PTPRM: variants seen among roughly 807,000 people sequenced by gnomAD.
The protein encoded by PTPRM is receptor-type tyrosine-protein phosphatase mu.
A neutral mutation model predicts 186.7 loss-of-function variants in PTPRM; 47 were observed. The ratio of observed to expected loss-of-function variants is 0.25; its 90% CI spans 0.20 to 0.32. The LOEUF (loss-of-function observed/expected upper bound fraction) is 0.32, where lower values mean the gene tolerates loss of function less well. PTPRM is among the 10% of genes least tolerant of loss of function. The probability of loss-of-function intolerance (pLI) is 1.00; values close to 1 mark genes in which losing one functional copy is unlikely to be tolerated. For missense variants in PTPRM, 1,494 were observed against 1,865.0 expected (o/e 0.80, Z 3.66); for synonymous variants, 668 against 674.9 (o/e 0.99, Z 0.16).
chr18:8,275,463 C>A (rs1171580027), intron 19 of PTPRM, among the ~76,000 whole-genome samples: 2 of 152,004 alleles, frequency 1.3e-5, no homozygotes, highest in Non-Finnish European at 2.9e-5. Context: ...GAAAAGACTT[C>A]AATGGTTCCA....
chr18:8,241,983 T>C (rs995654806), intron 14 of PTPRM, among the ~76,000 whole-genome samples: 3 of 152,128 alleles, frequency 2.0e-5, no homozygotes, highest in Admixed American at 6.5e-5. Context: ...AATTAGTTTA[T>C]GCACGTGGAG....
intron 19 of PTPRM, among the ~76,000 whole-genome samples, chr18:8,294,807 T>C (rs2095078517): frequency 6.6e-6 from 1 of 152,184 alleles, no homozygotes; most frequent in Non-Finnish European, 1.5e-5. Flanking sequence ...TGTAGTGTTA[T>C]TTTTTTCAGT....
intron 3 of PTPRM, among the ~76,000 whole-genome samples, chr18:7,888,705 T>C (rs908931958): frequency 1.2e-4 from 18 of 152,032 alleles, no homozygotes; most frequent in African/African-American, 7.2e-5. Context: ...CAATTCATAA[T>C]AGCAAAGACA....
intron 7 of PTPRM, among the ~76,000 whole-genome samples, chr18:8,007,289 T>C (rs1276729828): frequency 2.0e-5 from 3 of 152,208 alleles, no homozygotes. Flanking sequence ...GTTCTATCTC[T>C]AATATTGGAA....
chr18:8,350,309 A>G (rs1251269668), intron 23 of PTPRM, among the ~76,000 whole-genome samples: 1 of 152,196 alleles, frequency 6.6e-6, no homozygotes, highest in Non-Finnish European at 1.5e-5. Context: ...CAAAGTGAAC[A>G]TGGGATGTAT....
chr18:7,693,946 C>T (rs750341300), intron 1 of PTPRM, among the ~76,000 whole-genome samples: 5 of 152,088 alleles, frequency 3.3e-5, no homozygotes, highest in Non-Finnish European at 7.4e-5. Flanking sequence ...GTGAATGAAT[C>T]GTAATGGAGC....
chr18:7,739,681 T>C (rs1415105867), intron 1 of PTPRM, among the ~76,000 whole-genome samples: 2 of 152,188 alleles, frequency 1.3e-5, no homozygotes, highest in Non-Finnish European at 2.9e-5. Context: ...TGTATTGCCA[T>C]GTTCTGCTCA....
At chr18:8,115,552 G>C (rs2091924071) in intron 13 of PTPRM, among the ~76,000 whole-genome samples, 1 of 152,156 alleles carries the variant, frequency 6.6e-6, no homozygotes, top group Non-Finnish European at 1.5e-5. Context: ...AATTTAAAAT[G>C]TCGTCTTAAA....
chr18:7,701,916 T>A (rs1271733619), intron 1 of PTPRM, among the ~76,000 whole-genome samples: 3 of 152,114 alleles, frequency 2.0e-5, no homozygotes, highest in Non-Finnish European at 2.9e-5. Context: ...TGTGTTCTCA[T>A]TGTTCAACTC....
At chr18:7,655,298 G>A (rs1422092315) in intron 1 of PTPRM, among the ~76,000 whole-genome samples, 3 of 152,034 alleles carry the variant, frequency 2.0e-5, no homozygotes, top group Non-Finnish European at 4.4e-5. Context: ...CTTAAGTGAT[G>A]GTCCTCCTGC....
chr18:7,779,287 A>T (rs1425272261), intron 2 of PTPRM, among the ~76,000 whole-genome samples: 2 of 152,208 alleles, frequency 1.3e-5, no homozygotes, highest in Admixed American at 6.5e-5. Flanking sequence ...GTAGTATAGC[A>T]TGGGACTACA....
intron 32 of PTPRM, among the ~76,000 whole-genome samples, chr18:8,401,894 A>G (rs530103696): frequency 6.6e-6 from 1 of 152,362 alleles, no homozygotes; most frequent in East Asian, 1.9e-4. Flanking sequence ...TTGGTGAGGA[A>G]TAGCAGCAGG....
chr18:7,744,758 G>A (rs1051191173), intron 1 of PTPRM, among the ~76,000 whole-genome samples: 1 of 152,070 alleles, frequency 6.6e-6, no homozygotes, highest in African/African-American at 2.4e-5. Context: ...GGATAATTGT[G>A]TTCATCGACT....
intron 11 of PTPRM, among the ~76,000 whole-genome samples, chr18:8,105,026 T>C (rs918978336): frequency 7.2e-5 from 11 of 152,182 alleles, no homozygotes; most frequent in Non-Finnish European, 1.6e-4. Context: ...AATGCACTTT[T>C]GTCACAGTTT....
chr18:7,777,624 A>G (rs1043578933), intron 2 of PTPRM, among the ~76,000 whole-genome samples: 5 of 152,218 alleles, frequency 3.3e-5, no homozygotes, highest in Non-Finnish European at 7.3e-5. Context: ...GTTGTTTTCT[A>G]TATTCATATA....
chr18:7,688,757 G>A (rs1356006443), intron 1 of PTPRM, among the ~76,000 whole-genome samples: 1 of 152,148 alleles, frequency 6.6e-6, no homozygotes, highest in East Asian at 1.9e-4. Context: ...AGCACGGTTG[G>A]TTGTGGCCAA....
intron 14 of PTPRM, among the ~76,000 whole-genome samples, chr18:8,215,545 C>CTTTTTTTTTTTTTTTTT (rs11334182): frequency 5.9e-4 from 69 of 116,310 alleles, no homozygotes; most frequent in East Asian, 2.1e-3. Context: ...TCTTTCTTTT[C>CTTTTTTTTTTTTTTTTT]TTTTTTTTTT....
chr18:8,354,618 C>CTAAG (rs10690854), intron 23 of PTPRM, among the ~76,000 whole-genome samples: 123,359 of 151,724 alleles, frequency 0.81, 51,337 homozygotes, highest in Middle Eastern at 0.97. Context: ...TATTTTTAAA[C>CTAAG]TAAGTAAGGC....
At chr18:8,023,332 A>G (rs2085345578) in intron 7 of PTPRM, among the ~76,000 whole-genome samples, 1 of 152,218 alleles carries the variant, frequency 6.6e-6, no homozygotes, top group African/African-American at 2.4e-5. Flanking sequence ...GTACTTGTAT[A>G]AAGTTCTTGT....
Sources: allele counts gnomAD v4.1 joint callset (sites outside exome capture counted in the v4.1 genomes callset), GRCh38; gene constraint gnomAD v4.1.1; transcripts MANE v1.5; gene names NCBI Gene and HGNC (gene_info 2026-07-23, HGNC 2026-07-21).